The following PLCH1 variants were observed in gnomAD, a reference collection of about 807,000 sequenced individuals.
PLCH1 encodes 1-phosphatidylinositol 4,5-bisphosphate phosphodiesterase eta-1.
In PLCH1, 60 loss-of-function variants were observed where a neutral mutation model predicts 126.7. The observed-to-expected ratio is 0.47, with a 90% CI of 0.38 to 0.59. The LOEUF (loss-of-function observed/expected upper bound fraction) is 0.59. Ranked by LOEUF, PLCH1 falls within the 20% of genes least tolerant of loss-of-function variation. PLCH1 has a pLI of 0.00. For missense variants in PLCH1, 1,723 were observed against 2,040.0 expected (o/e 0.84, Z 2.99); for synonymous variants, 719 against 734.9 (o/e 0.98, Z 0.35).
intron 1 of PLCH1, among the ~76,000 whole-genome samples, chr3:155,715,217 A>G (rs1156545837): frequency 1.3e-5 from 2 of 152,164 alleles, no homozygotes; most frequent in African/African-American, 4.8e-5. Context: ...TTTTAAATCA[A>G]TCTCACCAGG....
At chr3:155,636,302 T>C (rs1443869399) in intron 2 of PLCH1, among the ~76,000 whole-genome samples, 3 of 152,268 alleles carry the variant, frequency 2.0e-5, no homozygotes, top group Non-Finnish European at 4.4e-5. Flanking sequence ...ATGTAGTCAA[T>C]GTTTTGTTGT....
chr3:155,639,331 C>A (rs541548341), intron 2 of PLCH1, among the ~76,000 whole-genome samples: 5 of 152,176 alleles, frequency 3.3e-5, no homozygotes, highest in African/African-American at 9.6e-5. Context: ...AGTGGTGGTG[C>A]AAGCCTATGG....
chr3:155,516,086 A>G (rs2108249706), intron 11 of PLCH1, among the ~76,000 whole-genome samples: 1 of 152,336 alleles, frequency 6.6e-6, no homozygotes. Context: ...AACATGCCCA[A>G]TTAATGAGGC....
At chr3:155,691,420 T>G (rs368451429) in intron 2 of PLCH1, among the ~76,000 whole-genome samples, 1 of 152,250 alleles carries the variant, frequency 6.6e-6, no homozygotes, top group African/African-American at 2.4e-5. Context: ...CCTCTTTGTG[T>G]TCCCCTTAAG....
At chr3:155,703,070 T>A (rs1424265229) in intron 2 of PLCH1, among the ~76,000 whole-genome samples, 1 of 152,224 alleles carries the variant, frequency 6.6e-6, no homozygotes, top group Admixed American at 6.5e-5. Flanking sequence ...TTCATCTCTG[T>A]TTCTCTTTCT....
intron 2 of PLCH1, among the ~76,000 whole-genome samples, chr3:155,651,446 G>T (rs1482626563): frequency 6.6e-6 from 1 of 152,058 alleles, no homozygotes; most frequent in Admixed American, 6.5e-5. Context: ...TCTACAGAGG[G>T]GAATAGCAAG....
intron 21 of PLCH1, among the ~76,000 whole-genome samples, chr3:155,458,208 A>G (rs1289582014): frequency 6.6e-6 from 1 of 151,212 alleles, no homozygotes; most frequent in Non-Finnish European, 1.5e-5. Flanking sequence ...GGGGCGTAGT[A>G]GTGCATGCCT....
At chr3:155,637,344 A>C (rs1035256989) in intron 2 of PLCH1, among the ~76,000 whole-genome samples, 5 of 152,240 alleles carry the variant, frequency 3.3e-5, no homozygotes, top group Non-Finnish European at 5.9e-5. Context: ...TGGGCACAAC[A>C]TCAAGTAAAA....
intron 1 of PLCH1, among the ~76,000 whole-genome samples, chr3:155,708,644 T>A (rs1251629965): frequency 6.6e-6 from 1 of 152,212 alleles, no homozygotes; most frequent in Admixed American, 6.5e-5. Flanking sequence ...ACATTAGAGA[T>A]GTATTTCCCC....
At chr3:155,639,837 G>A (rs1577216027) in intron 2 of PLCH1, among the ~76,000 whole-genome samples, 1 of 152,150 alleles carries the variant, frequency 6.6e-6, no homozygotes, top group East Asian at 1.9e-4. Flanking sequence ...TCATGGGGGT[G>A]GATATCCCCC....
At chr3:155,699,274 G>A (rs917986508) in intron 2 of PLCH1, among the ~76,000 whole-genome samples, 3 of 151,796 alleles carry the variant, frequency 2.0e-5, no homozygotes, top group East Asian at 3.9e-4. Context: ...ACAGGGTTTC[G>A]CCATGTTGGC....
chr3:155,474,329 C>T (rs1486080923), intron 21 of PLCH1, among the ~76,000 whole-genome samples: 3 of 149,688 alleles, frequency 2.0e-5, no homozygotes. Context: ...TGAAAAAATG[C>T]TCATCATCAC....
chr3:155,631,994 T>C (rs1188365976), intron 2 of PLCH1, among the ~76,000 whole-genome samples: 1 of 152,026 alleles, frequency 6.6e-6, no homozygotes, highest in South Asian at 2.1e-4. Flanking sequence ...CTGTGTGATC[T>C]GTATGCATCC....
At chr3:155,501,514 C>T (rs372991180) in intron 13 of PLCH1, among the ~76,000 whole-genome samples, 8 of 152,012 alleles carry the variant, frequency 5.3e-5, no homozygotes, top group Admixed American at 1.3e-4. Flanking sequence ...AATGATGGGC[C>T]GGGCGTGGTG....
At chr3:155,489,125 T>A (rs1187800127) in intron 19 of PLCH1, among the ~76,000 whole-genome samples, 1 of 152,184 alleles carries the variant, frequency 6.6e-6, no homozygotes, top group African/African-American at 2.4e-5. Context: ...ATAGTAGTGA[T>A]CTAAGAATAA....
rs1168549920 is a variant in PLCH1 at position 155,696,357 on chromosome 3, A to C, written c.79+7789T>G. Among the ~76,000 whole-genome samples the C allele has an allele frequency of 3.3e-5, 5 of 152,208 alleles. No homozygotes were observed. In the East Asian group the frequency reaches 9.6e-4, roughly 29 times the overall value. The stretch of plus-strand genomic sequence containing the variant: ...GATAGATAGGAGATTGGAGGGTTTC[A>C]TGATTACAAACACAATCACTAATTA... On this transcript the variant is annotated intron_variant, in intron 2 of 22. Coordinates refer to ENST00000460012, the MANE Select transcript of PLCH1 (RefSeq NM_014996.4).
Position 155,480,026 on chromosome 3 carries a change from C to A in PLCH1, c.*942G>T, listed in dbSNP as rs540120103. On this transcript the variant is annotated 3_prime_UTR_variant, in exon 23 of 23. Coordinates refer to ENST00000460012, the MANE Select transcript of PLCH1 (RefSeq NM_014996.4). ...ACAGTGAAAATAATGCATGTCAGTA[C>A]TAAAATAGAGTTGCTTGGTTCCCTG... 6.6e-6 allele frequency: 1 copy of A among 151,706 alleles called. No homozygotes were observed. The highest frequency in any genetic ancestry group is 6.6e-5 in the Admixed American group (1 of 15,184). 9.4% of individuals were successfully genotyped at this position (151,706 alleles called of 1,614,324 possible).
intron 1 of PLCH1, among the ~76,000 whole-genome samples, chr3:155,714,806 A>G (rs563295617): frequency 6.6e-6 from 1 of 152,286 alleles, no homozygotes; most frequent in South Asian, 2.1e-4. Context: ...CTCATGTTTT[A>G]TGATTTTTAC....
intron 21 of PLCH1, chr3:155,457,418 A>G (rs74792254): frequency 0.064 from 9,810 of 152,186 alleles, 740 homozygotes; most frequent in African/African-American, 0.19. Context: ...TGAAACTAAA[A>G]ATTTCAAAAG....
Sources: gnomAD v4.1 joint callset for allele counts (sites outside exome capture counted in the v4.1 genomes callset) on GRCh38, gnomAD v4.1.1 for gene constraint, MANE v1.5 for transcripts, NCBI Gene and HGNC (gene_info 2026-07-23, HGNC 2026-07-21) for gene names.